SSH2: variants seen among roughly 807,000 people sequenced by gnomAD.
SSH2 encodes the protein protein phosphatase Slingshot homolog 2.
Under a neutral mutation model 135.2 loss-of-function variants are expected in SSH2, and 37 were observed. That is an observed-to-expected ratio of 0.27 (90% CI 0.21 to 0.36). The LOEUF is 0.36. SSH2 is among the 10% of genes least tolerant of loss of function. The pLI, the probability that SSH2 is intolerant of heterozygous loss-of-function variation, is 1.00. For missense variants in SSH2, 1,408 were observed against 1,765.3 expected (o/e 0.80, Z 3.63); for synonymous variants, 628 against 646.2 (o/e 0.97, Z 0.43).
At chr17:29,784,637 C>G (rs940987813) in intron 3 of SSH2, among the ~76,000 whole-genome samples, 1 of 151,810 alleles carries the variant, frequency 6.6e-6, no homozygotes, top group Non-Finnish European at 1.5e-5. Flanking sequence ...GTTGTGAATC[C>G]TATGACCTCC....
chr17:29,695,855 T>TGGGG (rs887668244), intron 4 of SSH2, among the ~76,000 whole-genome samples: 21 of 152,178 alleles, frequency 1.4e-4, no homozygotes, highest in African/African-American at 4.8e-4. Context: ...TAGCACCCAC[T>TGGGG]GGCTGTTTTT....
intron 3 of SSH2, among the ~76,000 whole-genome samples, chr17:29,767,117 T>C (rs1435849850): frequency 1.3e-5 from 2 of 152,156 alleles, no homozygotes; most frequent in African/African-American, 4.8e-5. Flanking sequence ...ATAAGAGCAA[T>C]GGAAAACACT....
chr17:29,843,260 C>T (rs1043811715), intron 2 of SSH2, among the ~76,000 whole-genome samples: 3 of 152,084 alleles, frequency 2.0e-5, no homozygotes, highest in Non-Finnish European at 2.9e-5. Context: ...GCAGGCTGGG[C>T]GCGGTGGCTC....
intron 11 of SSH2, among the ~76,000 whole-genome samples, chr17:29,664,074 C>A (rs1414116842): frequency 6.6e-6 from 1 of 152,204 alleles, no homozygotes; most frequent in Admixed American, 6.5e-5. Flanking sequence ...ATATGTACAT[C>A]TATAAATAAA....
intron 3 of SSH2, among the ~76,000 whole-genome samples, chr17:29,762,365 A>T (rs948149317): frequency 1.3e-5 from 2 of 152,184 alleles, no homozygotes. Context: ...AAAAATCTCA[A>T]TGCCCAGGCT....
intron 11 of SSH2, among the ~76,000 whole-genome samples, chr17:29,665,213 A>G (rs1473472375): frequency 6.6e-6 from 1 of 152,234 alleles, no homozygotes; most frequent in African/African-American, 2.4e-5. Context: ...GTAAGAGACA[A>G]CAAAGCCAGG....
At chr17:29,735,696 CAA>C (rs1246276444) in intron 3 of SSH2, among the ~76,000 whole-genome samples, 11 of 48,660 alleles carry the variant, frequency 2.3e-4, no homozygotes, top group African/African-American at 2.3e-4. Flanking sequence ...GATTCTGTCT[CAA>C]AAAAAAAAAA....
chr17:29,659,453 A>C (rs2036929362), intron 11 of SSH2, among the ~76,000 whole-genome samples: 1 of 152,220 alleles, frequency 6.6e-6, no homozygotes, highest in Non-Finnish European at 1.5e-5. Flanking sequence ...AAAAGTGAGC[A>C]ACTTTTCATT....
intron 1 of SSH2, among the ~76,000 whole-genome samples, chr17:29,889,539 A>G (rs370059631): frequency 1.2e-4 from 18 of 152,230 alleles, no homozygotes; most frequent in African/African-American, 4.3e-4. Flanking sequence ...TAGCTATGAC[A>G]CCAAAAGCAT....
chr17:29,660,519 C>G (rs998858175), intron 11 of SSH2, among the ~76,000 whole-genome samples: 1 of 152,052 alleles, frequency 6.6e-6, no homozygotes, highest in African/African-American at 2.4e-5. Context: ...CCCGCTTCAG[C>G]CTCCCAAAGT....
At chr17:29,777,717 GTTGC>G (rs1217257705) in intron 3 of SSH2, 1 of 169,566 alleles carries the variant, frequency 5.9e-6, no homozygotes, top group Non-Finnish European at 1.3e-5. Context: ...GCTTGTATGA[GTTGC>G]CCTAATGGAC....
chr17:29,878,369 G>A (rs1481156219), intron 1 of SSH2, among the ~76,000 whole-genome samples: 3 of 152,192 alleles, frequency 2.0e-5, no homozygotes, highest in Non-Finnish European at 2.9e-5. Context: ...AGAAGTTGCA[G>A]TAAGCCGAGA....
chr17:29,757,727 CA>C (rs57511763), intron 3 of SSH2, among the ~76,000 whole-genome samples: 39,603 of 78,712 alleles, frequency 0.5, 9,019 homozygotes, highest in Non-Finnish European at 0.55. Context: ...GCTGTCTCTA[CA>C]AAAAAAAAAA....
intron 2 of SSH2, among the ~76,000 whole-genome samples, chr17:29,848,244 C>G (rs2065481817): frequency 6.6e-6 from 1 of 152,190 alleles, no homozygotes; most frequent in Admixed American, 6.5e-5. Flanking sequence ...TTAAGTTGTT[C>G]TCTAACTTCA....
chr17:29,761,061 T>C, intron 3 of SSH2: 2 of 1,250,862 alleles, frequency 1.6e-6, no homozygotes, highest in East Asian at 6.2e-5. Context: ...CGCTTGATTG[T>C]TTGCTCCCCA....
At position 29,769,218 on chromosome 17, in the gene SSH2, C is replaced by A. The variant is rs116219029; in HGVS notation, c.188+24676G>T. 7.3e-3 allele frequency among the ~76,000 whole-genome samples: 1,105 copies of A among 152,218 alleles called. 16 individuals carry two copies. Among genetic ancestry groups the A allele is most frequent in the African/African-American group, 0.025 (1,050 of 41,528 alleles). ...CCAGCCAGTTATTCTGGCTCCAGAACCTTCTTTCTTAAACAGTATTCTATA... is the reference window on the plus strand; with the variant it reads ...CCAGCCAGTTATTCTGGCTCCAGAAACTTCTTTCTTAAACAGTATTCTATA... On this transcript the variant is annotated intron_variant, in intron 3 of 15. Coordinates refer to ENST00000540801, the MANE Select transcript of SSH2 (RefSeq NM_001282129.2).
At chr17:29,785,491 ATTTTTTTTT>A (rs34346245) in intron 3 of SSH2, among the ~76,000 whole-genome samples, 2 of 78,490 alleles carry the variant, frequency 2.5e-5, no homozygotes, top group South Asian at 4.6e-4. Flanking sequence ...TTGGCGTTTC[ATTTTTTTTT>A]TTTTTTTTTT....
At chr17:29,693,985 T>C (rs1439491665) in intron 5 of SSH2, among the ~76,000 whole-genome samples, 1 of 152,238 alleles carries the variant, frequency 6.6e-6, no homozygotes, top group African/African-American at 2.4e-5. Context: ...CTTTAGTTAG[T>C]AATCTAGAGC....
chr17:29,899,731 C>T (rs1490839648), intron 1 of SSH2, among the ~76,000 whole-genome samples: 2 of 152,082 alleles, frequency 1.3e-5, no homozygotes, highest in South Asian at 2.1e-4. Flanking sequence ...TTTTCAATGC[C>T]ATCCTGATCA....
Sources: allele counts gnomAD v4.1 joint callset (sites outside exome capture counted in the v4.1 genomes callset), GRCh38; gene constraint gnomAD v4.1.1; transcripts MANE v1.5; gene names NCBI Gene and HGNC (gene_info 2026-07-23, HGNC 2026-07-21).